The following SMAD4 variants were observed in gnomAD, a reference collection of about 807,000 sequenced individuals.
SMAD4 encodes the protein SMAD family member 4.
SMAD4 carries 7 observed loss-of-function variants against 63.2 expected under a neutral mutation model. The ratio of observed to expected loss-of-function variants is 0.11; its 90% CI spans 0.06 to 0.21. SMAD4 has a LOEUF of 0.21. SMAD4 is among the 10% of genes least tolerant of loss of function. The pLI is 1.00. For synonymous variants in SMAD4, 215 were observed against 235.4 expected, an observed-to-expected ratio of 0.91 and a Z score of 0.79; for missense variants, 312 against 693.8, an observed-to-expected ratio of 0.45 and a Z score of 6.18.
intron 11 of SMAD4, chr18:51,077,464 G>T: frequency 9.2e-6 from 7 of 760,810 alleles, no homozygotes; most frequent in Non-Finnish European, 9.6e-6. Flanking sequence ...GGCCCTGCAG[G>T]TTTCTCTACA....
chr18:51,036,688 A>G (rs1333894251), intron 1 of SMAD4, among the ~76,000 whole-genome samples: 1 of 152,202 alleles, frequency 6.6e-6, no homozygotes, highest in African/African-American at 2.4e-5. Context: ...AAGATTGTAG[A>G]CTAGATCAAT....
Position 51,078,230 on chromosome 18 carries a change from GATGTCTTCCAA to G in SMAD4, c.1448-23_1448-13del. ...TGGGAAGAGATCACCCTGTCCCTCTGATGTCTTCCAAATCTTTTCTGTTAGGTCTGTCAGCT... is the reference window on the plus strand; with the variant it reads ...TGGGAAGAGATCACCCTGTCCCTCTGATCTTTTCTGTTAGGTCTGTCAGCT... On this transcript the variant is annotated splice_polypyrimidine_tract_variant and intron_variant, in intron 11 of 11. Coordinates refer to ENST00000342988, the MANE Select transcript of SMAD4 (RefSeq NM_005359.6). 1 of 1,593,070 alleles carries G rather than the reference GATGTCTTCCAA, an allele frequency of 6.3e-7. No homozygotes were observed. Among genetic ancestry groups the G allele is most frequent in the Non-Finnish European group, 8.6e-7 (1 of 1,161,640 alleles).
intron 10 of SMAD4, among the ~76,000 whole-genome samples, chr18:51,072,824 ATTACT>A (rs1910353464): frequency 6.6e-6 from 1 of 152,220 alleles, no homozygotes. Context: ...AAAGCCTTTG[ATTACT>A]TTGAATTGCC....
intron 8 of SMAD4, among the ~76,000 whole-genome samples, chr18:51,065,062 T>G (rs1438792963): frequency 6.6e-6 from 1 of 152,218 alleles, no homozygotes; most frequent in Non-Finnish European, 1.5e-5. Flanking sequence ...AAATAATTTA[T>G]TTTAGATTCT....
intron 1 of SMAD4, among the ~76,000 whole-genome samples, chr18:51,034,531 A>G (rs1018080821): frequency 3.9e-5 from 6 of 152,106 alleles, no homozygotes; most frequent in African/African-American, 1.4e-4. Context: ...GATTATAGGC[A>G]TGAGCCACCG....
intron 4 of SMAD4, among the ~76,000 whole-genome samples, chr18:51,049,960 A>T (rs1301123908): frequency 6.6e-6 from 1 of 152,210 alleles, no homozygotes; most frequent in African/African-American, 2.4e-5. Context: ...TTTTATTGTA[A>T]TATTTGAGAA....
In SMAD4 at chr18:51,066,049, GT is replaced by G. The variant is rs34861220; in HGVS notation, c.1139+446del. 0.33 allele frequency among the ~76,000 whole-genome samples: 49,477 copies of G among 151,952 alleles called. 8,662 individuals carry two copies. Among genetic ancestry groups the G allele is most frequent in the East Asian group, 0.41 (2,109 of 5,182 alleles). The stretch of plus-strand genomic sequence containing the variant: ...TCCTTTTTTATACAGTCATTAAAAT[GT>G]TTAAAAGTTTATATAATGAGGCTGG... On this transcript the variant is annotated intron_variant, in intron 9 of 11. Transcript: ENST00000342988.
intron 10 of SMAD4, among the ~76,000 whole-genome samples, chr18:51,069,367 A>G (rs752751786): frequency 4.6e-5 from 7 of 152,118 alleles, no homozygotes; most frequent in Non-Finnish European, 1.0e-4. Flanking sequence ...AGCCCAACTC[A>G]GCTCCCAAAG....
intron 1 of SMAD4, among the ~76,000 whole-genome samples, chr18:51,038,230 C>T (rs937347350): frequency 4.2e-5 from 6 of 143,814 alleles, no homozygotes; most frequent in African/African-American, 1.6e-4. Flanking sequence ...GCACTCGGGC[C>T]TAGGCTACAG....
At chr18:51,043,563 T>C (rs1470086150) in intron 1 of SMAD4, among the ~76,000 whole-genome samples, 1 of 152,242 alleles carries the variant, frequency 6.6e-6, no homozygotes, top group African/African-American at 2.4e-5. Flanking sequence ...TTATTTTTTA[T>C]ATGCATAACT....
chr18:51,032,314 TAG>T (rs761572151), intron 1 of SMAD4, among the ~76,000 whole-genome samples: 27 of 152,230 alleles, frequency 1.8e-4, no homozygotes, highest in Non-Finnish European at 2.8e-4. Flanking sequence ...TGTTTCTGTT[TAG>T]GTCACTGCCT....
chr18:51,030,701 G>T, intron 1 of SMAD4, 78 bp downstream of exon 1: 1 of 150,366 alleles, frequency 6.7e-6, no homozygotes, highest in Non-Finnish European at 1.5e-5. Context: ...CCCGGGGCGG[G>T]CTCCCGACGA....
chr18:51,065,987 TAAA>T (rs1236721782), intron 9 of SMAD4, among the ~76,000 whole-genome samples: 1 of 152,156 alleles, frequency 6.6e-6, no homozygotes, highest in Non-Finnish European at 1.5e-5. Context: ...AAATTGGTAA[TAAA>T]AGGGAAATGG....
intron 1 of SMAD4, among the ~76,000 whole-genome samples, chr18:51,042,372 C>T (rs903640846): frequency 7.4e-6 from 1 of 134,540 alleles, no homozygotes; most frequent in African/African-American, 2.8e-5. Context: ...CTTTTTCCTT[C>T]CTCCCTCCCT....
At chr18:51,053,951 GT>G (rs1909774142) in intron 4 of SMAD4, 2 of 152,284 alleles carry the variant, frequency 1.3e-5, no homozygotes, top group South Asian at 4.1e-4. Context: ...AAATGGGAAG[GT>G]TCTGGGCAGA....
In SMAD4 at chr18:51,078,281, T is replaced by C. The variant is rs1207826883; in HGVS notation, c.1473T>C (p.Gly491=). Reference sequence around the variant, plus strand: ...GTCTGTCAGCTGCTGCTGGAATTGGTGTTGATGACCTTCGTCGCTTATGCA... The same window carrying C: ...GTCTGTCAGCTGCTGCTGGAATTGGCGTTGATGACCTTCGTCGCTTATGCA... ...AISLSAAAGI[G]VDDLRRLCIL... Residue 491 remains glycine, a synonymous_variant, in exon 12 of 12, where the codon GGT becomes GGC. Coordinates refer to ENST00000342988, the MANE Select transcript of SMAD4 (RefSeq NM_005359.6). 1.2e-6 allele frequency: 2 copies of C among 1,614,168 alleles called. No homozygotes were observed. The highest frequency in any genetic ancestry group is 1.7e-6 in the Non-Finnish European group (2 of 1,180,026).
chr18:51,034,616 C>T (rs963393391), intron 1 of SMAD4, among the ~76,000 whole-genome samples: 2 of 151,916 alleles, frequency 1.3e-5, no homozygotes, highest in African/African-American at 4.8e-5. Context: ...GCAATCATAG[C>T]TCACTGCAGC....
chr18:51,067,832 C>G (rs1251550460), intron 10 of SMAD4, among the ~76,000 whole-genome samples: 1 of 152,170 alleles, frequency 6.6e-6, no homozygotes, highest in African/African-American at 2.4e-5. Context: ...CTTAGCCAAT[C>G]TTCAGGATTT....
At chr18:51,065,086 C>T (rs1031793856) in intron 8 of SMAD4, among the ~76,000 whole-genome samples, 1 of 151,982 alleles carries the variant, frequency 6.6e-6, no homozygotes, top group African/African-American at 2.4e-5. Flanking sequence ...TATTTCTGTT[C>T]TTTAAATTCT....
Sources: gnomAD v4.1 joint callset for allele counts (sites outside exome capture counted in the v4.1 genomes callset) on GRCh38, gnomAD v4.1.1 for gene constraint, MANE v1.5 for transcripts, NCBI Gene and HGNC (gene_info 2026-07-23, HGNC 2026-07-21) for gene names.